The following PPFIA2 variants were observed in gnomAD, a reference collection of about 807,000 sequenced individuals.
PPFIA2 encodes the protein liprin-alpha-2.
Under a neutral mutation model 175.5 loss-of-function variants are expected in PPFIA2, and 46 were observed. The ratio of observed to expected loss-of-function variants is 0.26; its 90% confidence interval spans 0.21 to 0.34. The LOEUF is 0.34. PPFIA2 is among the 10% of genes least tolerant of loss of function. The probability of loss-of-function intolerance (pLI) is 1.00; values close to 1 mark genes in which losing one functional copy is unlikely to be tolerated. For synonymous variants in PPFIA2, 568 were observed against 511.4 expected, an observed-to-expected ratio of 1.11 and a Z score of -1.49; for missense variants, 1,179 against 1,506.1, an observed-to-expected ratio of 0.78 and a Z score of 3.60.
chr12:81,462,558 GTA>G (rs1244631159), intron 4 of PPFIA2, among the ~76,000 whole-genome samples: 2 of 105,672 alleles, frequency 1.9e-5, no homozygotes, highest in Non-Finnish European at 3.7e-5. Flanking sequence ...ATGTGTGTGT[GTA>G]TATATATGTG....
At chr12:81,520,411 G>A (rs1202278950) in intron 4 of PPFIA2, among the ~76,000 whole-genome samples, 1 of 152,064 alleles carries the variant, frequency 6.6e-6, no homozygotes, top group African/African-American at 2.4e-5. Flanking sequence ...TAATATTTTT[G>A]AGCCGTACAA....
intron 3 of PPFIA2, among the ~76,000 whole-genome samples, chr12:81,701,915 T>TAAAAAAA (rs748051152): frequency 1.4e-4 from 12 of 84,102 alleles, no homozygotes; most frequent in East Asian, 3.9e-4. Flanking sequence ...ATGGGAAGAC[T>TAAAAAAA]AAAAAAAAAA....
chr12:81,320,071 G>A (rs1566118948), intron 22 of PPFIA2, among the ~76,000 whole-genome samples: 1 of 151,868 alleles, frequency 6.6e-6, no homozygotes, highest in East Asian at 1.9e-4. Flanking sequence ...TTGGCATATA[G>A]GCACTTAACG....
intron 7 of PPFIA2, among the ~76,000 whole-genome samples, chr12:81,428,982 C>T (rs1039985692): frequency 3.3e-5 from 5 of 151,920 alleles, no homozygotes; most frequent in Non-Finnish European, 7.4e-5. Flanking sequence ...TTAGTCATGG[C>T]GACTTGTTTC....
intron 5 of PPFIA2, among the ~76,000 whole-genome samples, chr12:81,449,964 T>C (rs187647211): frequency 0.19 from 28,462 of 151,794 alleles, 2,978 homozygotes; most frequent in African/African-American, 0.28. Context: ...ACAAAGGACA[T>C]GGACTCATCC....
At position 81,259,583 on chromosome 12, in the gene PPFIA2, A is replaced by G. The variant is rs759257542; in HGVS notation, c.*111T>C. 2.0e-6 allele frequency: 3 copies of G among 1,492,218 alleles called. No individual in the cohort carries two copies. Among genetic ancestry groups the G allele is most frequent in the Non-Finnish European group, 1.8e-6 (2 of 1,108,902 alleles). The allele number at this position is 1,492,218 out of a possible 1,614,324, so 92.4% of individuals were successfully genotyped here. A position where few individuals can be genotyped will look rare whatever the true frequency, so the allele number is the denominator to read the frequency against. On this transcript the variant is annotated 3_prime_UTR_variant, in exon 33 of 33. Transcript: ENST00000549396. Reference sequence around the variant, plus strand: ...TGACGTCATTATTTCCTTAGAATTCAGTTTTCACAAAGGTTTTCACTGCTC... The same window carrying G: ...TGACGTCATTATTTCCTTAGAATTCGGTTTTCACAAAGGTTTTCACTGCTC...
At chr12:81,402,779 A>G (rs2042296301) in intron 8 of PPFIA2, among the ~76,000 whole-genome samples, 1 of 152,146 alleles carries the variant, frequency 6.6e-6, no homozygotes, top group South Asian at 2.1e-4. Flanking sequence ...GCTTGAGCCC[A>G]GGAGAAGGAG....
chr12:81,512,248 C>T, intron 4 of PPFIA2: 1 of 1,204,612 alleles, frequency 8.3e-7, no homozygotes, highest in Non-Finnish European at 1.1e-6. Context: ...GCCTTCATTA[C>T]AAAATCTAAA....
intron 4 of PPFIA2, chr12:81,512,421 A>C: frequency 8.8e-7 from 1 of 1,140,354 alleles, no homozygotes; most frequent in Admixed American, 2.8e-5. Context: ...CCAGCCTAAA[A>C]TGGAATTTTT....
intron 4 of PPFIA2, among the ~76,000 whole-genome samples, chr12:81,645,341 T>C (rs1222576904): frequency 6.6e-6 from 1 of 152,184 alleles, no homozygotes; most frequent in East Asian, 1.9e-4. Flanking sequence ...CATACAGTTT[T>C]ACATCTCACC....
chr12:81,450,534 T>TTAA (rs2052346408), intron 5 of PPFIA2, among the ~76,000 whole-genome samples: 1 of 152,218 alleles, frequency 6.6e-6, no homozygotes, highest in Admixed American at 6.5e-5. Context: ...AGATTCTGGA[T>TTAA]ATTAGCCCTT....
At chr12:81,730,210 C>T (rs560271525) in intron 3 of PPFIA2, among the ~76,000 whole-genome samples, 27 of 151,732 alleles carry the variant, frequency 1.8e-4, no homozygotes, top group African/African-American at 5.1e-4. Flanking sequence ...TGAATATACC[C>T]ATTTTCCATG....
At chr12:81,265,992 G>C (rs1346496649) in intron 30 of PPFIA2, among the ~76,000 whole-genome samples, 1 of 152,180 alleles carries the variant, frequency 6.6e-6, no homozygotes, top group East Asian at 1.9e-4. Flanking sequence ...TTGAATAAGA[G>C]CATGAATTTA....
At chr12:81,595,212 T>C (rs1052414843) in intron 4 of PPFIA2, among the ~76,000 whole-genome samples, 2 of 150,994 alleles carry the variant, frequency 1.3e-5, no homozygotes, top group Admixed American at 6.6e-5. Flanking sequence ...TTTATGGACA[T>C]AAAGGTAACA....
intron 16 of PPFIA2, among the ~76,000 whole-genome samples, chr12:81,355,319 T>C (rs1295780794): frequency 6.6e-6 from 1 of 152,214 alleles, no homozygotes; most frequent in Non-Finnish European, 1.5e-5. Context: ...AACCATGCTG[T>C]AAACAAATGT....
intron 7 of PPFIA2, among the ~76,000 whole-genome samples, chr12:81,426,569 G>T (rs1371224020): frequency 6.6e-6 from 1 of 152,022 alleles, no homozygotes; most frequent in Admixed American, 6.6e-5. Flanking sequence ...AGTTATATTT[G>T]TTTTTTGCTA....
intron 3 of PPFIA2, chr12:81,687,685 A>C (rs1432504512): frequency 1.3e-5 from 2 of 152,036 alleles, no homozygotes; most frequent in African/African-American, 4.8e-5. Context: ...ACCTTAGGCT[A>C]ATTGCTTTAT....
chr12:81,267,197 G>A, intron 29 of PPFIA2, 177 bp from the exon 30 acceptor site: 1 of 598,996 alleles, frequency 1.7e-6, no homozygotes, highest in Non-Finnish European at 3.0e-6. Flanking sequence ...AAAAAACAGG[G>A]CTTTTTTTTT....
chr12:81,572,014 A>G (rs2072641675), intron 4 of PPFIA2, among the ~76,000 whole-genome samples: 1 of 152,066 alleles, frequency 6.6e-6, no homozygotes, highest in Admixed American at 6.6e-5. Flanking sequence ...AGAGCACTGA[A>G]GAGAGAACCT....
Sources: allele counts gnomAD v4.1 joint callset (sites outside exome capture counted in the v4.1 genomes callset), GRCh38; gene constraint gnomAD v4.1.1; transcripts MANE v1.5; gene names NCBI Gene and HGNC (gene_info 2026-07-23, HGNC 2026-07-21).